Variants in AGBL4 observed in about 807,000 individuals in gnomAD.
The protein encoded by AGBL4 is cytosolic carboxypeptidase 6.
In AGBL4, 58 loss-of-function variants were observed where a neutral mutation model predicts 66.4. The ratio of observed to expected loss-of-function variants is 0.87; its 90% CI spans 0.71 to 1.09. The LOEUF (loss-of-function observed/expected upper bound fraction) is 1.09, where lower values mean the gene tolerates loss of function less well. Among genes scored for constraint, AGBL4 ranks in the 50% least tolerant of loss-of-function variants. AGBL4 has a pLI of 0.00. For synonymous variants in AGBL4, 234 were observed against 222.9 expected, an observed-to-expected ratio of 1.05 and a Z score of -0.44; for missense variants, 579 against 631.0, an observed-to-expected ratio of 0.92 and a Z score of 0.88.
Position 48,534,881 on chromosome 1 carries a change from G to A in AGBL4, c.1391+9C>T, listed in dbSNP as rs1355519187. ...TTACGGGCAATGTCATCTTGAAGCAGTTCCTTACCTTCTCTGGACTTCTAT... is the reference window on the plus strand; with the variant it reads ...TTACGGGCAATGTCATCTTGAAGCAATTCCTTACCTTCTCTGGACTTCTAT... On this transcript the variant is annotated intron_variant, in intron 13 of 13. Coordinates refer to ENST00000371839, the MANE Select transcript of AGBL4 (RefSeq NM_032785.4). 1.9e-6 allele frequency: 3 copies of A among 1,551,224 alleles called. 1 individual carries two copies. The highest frequency in any genetic ancestry group is 3.3e-4 in the Middle Eastern group (2 of 5,988).
downstream of AGBL4, among the ~76,000 whole-genome samples, chr1:48,529,053 C>A (rs895996343): frequency 7.9e-5 from 12 of 152,036 alleles, no homozygotes; most frequent in African/African-American, 2.9e-4. Flanking sequence ...TGACCTCACT[C>A]TCACCATACC....
At chr1:50,019,623 C>G (rs1280852597) in intron 1 of AGBL4, among the ~76,000 whole-genome samples, 1 of 151,992 alleles carries the variant, frequency 6.6e-6, no homozygotes, top group East Asian at 1.9e-4. Context: ...ATTTATTTCA[C>G]AGAGAGTGAT....
At chr1:48,647,615 A>C (rs967070715) in intron 8 of AGBL4, 15 of 453,908 alleles carry the variant, frequency 3.3e-5, no homozygotes, top group Non-Finnish European at 5.7e-5. Context: ...CCTAATTAAG[A>C]AATGCAAACC....
At chr1:49,113,890 C>A (rs1645464518) in intron 4 of AGBL4, among the ~76,000 whole-genome samples, 1 of 152,052 alleles carries the variant, frequency 6.6e-6, no homozygotes, top group Non-Finnish European at 1.5e-5. Context: ...ATTTAGCAAA[C>A]CATGCTATAA....
intron 3 of AGBL4, among the ~76,000 whole-genome samples, chr1:49,510,966 A>G (rs1000695629): frequency 1.3e-5 from 2 of 151,568 alleles, no homozygotes; most frequent in Non-Finnish European, 1.5e-5. Context: ...TACCAGTACC[A>G]TGCTGTTTTG....
At chr1:48,878,431 A>G (rs72891896) in intron 5 of AGBL4, among the ~76,000 whole-genome samples, 1,778 of 152,286 alleles carry the variant, frequency 0.012, 32 homozygotes, top group African/African-American at 0.04. Context: ...AGTGACCATG[A>G]ACAAGTCAGT....
chr1:48,641,448 T>C (rs996740418), intron 8 of AGBL4, among the ~76,000 whole-genome samples: 1 of 152,114 alleles, frequency 6.6e-6, no homozygotes, highest in African/African-American at 2.4e-5. Flanking sequence ...TAGATCATCA[T>C]GACGAGGAGA....
chr1:48,732,069 G>C (rs919155765), intron 6 of AGBL4, among the ~76,000 whole-genome samples: 2 of 152,136 alleles, frequency 1.3e-5, no homozygotes, highest in Non-Finnish European at 2.9e-5. Flanking sequence ...TAGAAAATGG[G>C]GGAGTGGATC....
chr1:49,655,070 T>C (rs994018646), intron 3 of AGBL4, among the ~76,000 whole-genome samples: 3 of 152,318 alleles, frequency 2.0e-5, no homozygotes, highest in South Asian at 2.1e-4. Flanking sequence ...CCGGTTATGC[T>C]GGTACCAGTT....
At chr1:49,238,634 C>T (rs1030976392) in intron 4 of AGBL4, among the ~76,000 whole-genome samples, 2 of 152,164 alleles carry the variant, frequency 1.3e-5, no homozygotes, top group Non-Finnish European at 2.9e-5. Flanking sequence ...AAAGTCTATG[C>T]TTCCTACTAG....
At chr1:49,554,020 T>C (rs1419171962) in intron 3 of AGBL4, among the ~76,000 whole-genome samples, 1 of 152,100 alleles carries the variant, frequency 6.6e-6, no homozygotes, top group Non-Finnish European at 1.5e-5. Context: ...CAATTCCATC[T>C]ACTCAGGAAA....
At chr1:49,912,152 G>T (rs1411420679) in intron 1 of AGBL4, among the ~76,000 whole-genome samples, 1 of 152,208 alleles carries the variant, frequency 6.6e-6, no homozygotes, top group Non-Finnish European at 1.5e-5. Flanking sequence ...GATCCCAAGA[G>T]GGCCCAGTCC....
At chr1:49,251,082 G>A (rs1652022342) in intron 3 of AGBL4, among the ~76,000 whole-genome samples, 1 of 152,088 alleles carries the variant, frequency 6.6e-6, no homozygotes, top group Admixed American at 6.5e-5. Context: ...ATTGTCTGCT[G>A]GCCATTCCTG....
chr1:48,677,402 G>T (rs775695330), intron 6 of AGBL4, among the ~76,000 whole-genome samples: 2 of 152,092 alleles, frequency 1.3e-5, no homozygotes, highest in Non-Finnish European at 2.9e-5. Context: ...CAAAGAAGGG[G>T]TCCAAATACA....
intron 2 of AGBL4, among the ~76,000 whole-genome samples, chr1:49,767,915 C>A (rs1475706821): frequency 6.6e-6 from 1 of 151,654 alleles, no homozygotes; most frequent in African/African-American, 2.4e-5. Flanking sequence ...AATTGAAACC[C>A]TGAAAAGACA....
intron 4 of AGBL4, among the ~76,000 whole-genome samples, chr1:49,154,871 GC>G (rs1278554297): frequency 6.6e-6 from 1 of 151,984 alleles, no homozygotes; most frequent in East Asian, 1.9e-4. Context: ...AGGTTTTATT[GC>G]CCACACAATG....
intron 3 of AGBL4, among the ~76,000 whole-genome samples, chr1:49,352,366 CTTT>C (rs35699154): frequency 3.5e-4 from 29 of 83,134 alleles, no homozygotes; most frequent in Admixed American, 6.4e-4. Flanking sequence ...TGAATTGAAG[CTTT>C]TTTTTTTTTT....
chr1:48,971,856 G>A (rs1658931449), intron 5 of AGBL4, among the ~76,000 whole-genome samples: 2 of 152,114 alleles, frequency 1.3e-5, no homozygotes, highest in African/African-American at 4.8e-5. Flanking sequence ...TGAACCCCAT[G>A]CACTGACACC....
At chr1:49,764,866 C>T (rs902693225) in intron 2 of AGBL4, among the ~76,000 whole-genome samples, 4 of 152,126 alleles carry the variant, frequency 2.6e-5, no homozygotes, top group African/African-American at 9.7e-5. Context: ...CTCTCAACTA[C>T]ACTGTGGTCC....
Sources: gnomAD v4.1 joint callset for allele counts (sites outside exome capture counted in the v4.1 genomes callset) on GRCh38, gnomAD v4.1.1 for gene constraint, MANE v1.5 for transcripts, NCBI Gene and HGNC (gene_info 2026-07-23, HGNC 2026-07-21) for gene names.